Variants in SLC44A1 observed in about 807,000 individuals in gnomAD.
SLC44A1 encodes choline transporter-like protein 1.
In SLC44A1, 26 loss-of-function variants were observed where a neutral mutation model predicts 79.3. The ratio of observed to expected loss-of-function variants is 0.33; its 90% CI spans 0.24 to 0.46. The LOEUF (loss-of-function observed/expected upper bound fraction) is 0.46. SLC44A1 is among the 20% of genes least tolerant of loss of function. The pLI is 1.00. For missense variants in SLC44A1, 688 were observed against 798.1 expected (o/e 0.86, Z 1.66); for synonymous variants, 263 against 286.2 (o/e 0.92, Z 0.82).
In SLC44A1 at chr9:105,390,416, A is replaced by ATT; in HGVS notation, c.*1361_*1362insTT. 1 of 971,270 alleles carries ATT rather than the reference A, an allele frequency of 1.0e-6. No homozygotes were observed. The highest frequency in any genetic ancestry group is 1.2e-4 in the East Asian group (1 of 8,232). The allele number at this position is 971,270 out of a possible 1,614,324, so 60.2% of individuals were successfully genotyped here. ...AAATTTTTTAAACTTATTGCACTAAATACAGGCTCTGTACAAAAAAAAAAA... is the reference window on the plus strand; with the variant it reads ...AAATTTTTTAAACTTATTGCACTAAATTTACAGGCTCTGTACAAAAAAAAAAA... On this transcript the variant is annotated 3_prime_UTR_variant, in exon 16 of 16. Coordinates refer to ENST00000374720, the MANE Select transcript of SLC44A1 (RefSeq NM_080546.5).
chr9:105,381,945 A>AT (rs1206037241), intron 13 of SLC44A1, among the ~76,000 whole-genome samples: 1 of 152,240 alleles, frequency 6.6e-6, no homozygotes, highest in Non-Finnish European at 1.5e-5. Flanking sequence ...AGAGGCTGCC[A>AT]TGATTCTAGG....
Position 105,244,914 on chromosome 9 carries a change from TC to T in SLC44A1, c.36+13del. Reference sequence around the variant, plus strand: ...CTCCTCCGCCGCGCAGGTGAGGGGCTCCCGCCTCCCGGCCGCCCGCCCGGAT... The same window carrying T: ...CTCCTCCGCCGCGCAGGTGAGGGGCTCCGCCTCCCGGCCGCCCGCCCGGAT... On this transcript the variant is annotated intron_variant, in intron 1 of 15. Transcript: ENST00000374720. The T allele has an allele frequency of 8.5e-7, 1 of 1,178,584 alleles. No homozygotes were observed. The highest frequency in any genetic ancestry group is 1.0e-6 in the Non-Finnish European group (1 of 954,666). 73.0% of individuals were successfully genotyped at this position (1,178,584 alleles called of 1,614,324 possible). A position where few individuals can be genotyped will look rare whatever the true frequency, so the allele number is the denominator to read the frequency against.
chr9:105,349,116 G>A (rs1435498606), intron 5 of SLC44A1, among the ~76,000 whole-genome samples: 1 of 152,084 alleles, frequency 6.6e-6, no homozygotes, highest in African/African-American at 2.4e-5. Flanking sequence ...GAATTATCAA[G>A]CATTGTAAAA....
intron 3 of SLC44A1, among the ~76,000 whole-genome samples, chr9:105,312,161 A>C (rs1831199115): frequency 6.6e-6 from 1 of 152,182 alleles, no homozygotes; most frequent in Non-Finnish European, 1.5e-5. Context: ...TCAGTCCTCT[A>C]AAATCTCAAC....
At chr9:105,259,924 A>C (rs781547751) in intron 1 of SLC44A1, among the ~76,000 whole-genome samples, 3 of 152,204 alleles carry the variant, frequency 2.0e-5, no homozygotes, top group Admixed American at 2.0e-4. Context: ...AAGTGGAAAC[A>C]CTTATTTATC....
At chr9:105,321,826 A>AG (rs1826402376) in intron 3 of SLC44A1, among the ~76,000 whole-genome samples, 1 of 149,510 alleles carries the variant, frequency 6.7e-6, no homozygotes, top group African/African-American at 2.6e-5. Flanking sequence ...AAAAAAAAAA[A>AG]CAAGAGAGAT....
chr9:105,363,110 T>C, intron 9 of SLC44A1, 103 bp downstream of exon 9: 1 of 885,712 alleles, frequency 1.1e-6, no homozygotes, highest in Non-Finnish European at 1.8e-6. Flanking sequence ...TTGATGAAGG[T>C]CCAATAGCCA....
intron 3 of SLC44A1, among the ~76,000 whole-genome samples, chr9:105,331,560 A>G (rs1026491002): frequency 8.5e-5 from 13 of 152,244 alleles, no homozygotes; most frequent in Admixed American, 3.3e-4. Context: ...TTTCCAATCA[A>G]AAGGCAAGAA....
intron 3 of SLC44A1, among the ~76,000 whole-genome samples, chr9:105,314,064 T>G (rs1007164603): frequency 1.3e-5 from 2 of 152,146 alleles, no homozygotes; most frequent in Non-Finnish European, 2.9e-5. Flanking sequence ...GCGCCCAGCC[T>G]TATTACTAAT....
chr9:105,301,036 C>A (rs190799064), intron 2 of SLC44A1, among the ~76,000 whole-genome samples: 1 of 152,276 alleles, frequency 6.6e-6, no homozygotes, highest in African/African-American at 2.4e-5. Flanking sequence ...TCCCAAAGTG[C>A]TGGGATTACA....
At chr9:105,281,242 G>A (rs1421302089) in intron 1 of SLC44A1, among the ~76,000 whole-genome samples, 1 of 152,196 alleles carries the variant, frequency 6.6e-6, no homozygotes, top group Non-Finnish European at 1.5e-5. Context: ...GGAGAGGGGT[G>A]TTGCTAGGCA....
At chr9:105,311,672 C>T (rs1292773367) in intron 3 of SLC44A1, among the ~76,000 whole-genome samples, 1 of 152,084 alleles carries the variant, frequency 6.6e-6, no homozygotes, top group African/African-American at 2.4e-5. Flanking sequence ...AAATAGTTTC[C>T]CAGGTGTAGC....
intron 2 of SLC44A1, chr9:105,300,080 A>G (rs1830837900): frequency 3.8e-6 from 1 of 265,842 alleles, no homozygotes; most frequent in African/African-American, 2.3e-5. Context: ...GCGGTCTGAT[A>G]TTTAGAAGTA....
At chr9:105,386,679 T>C (rs1339011599) in intron 15 of SLC44A1, 1 of 151,968 alleles carries the variant, frequency 6.6e-6, no homozygotes, top group African/African-American at 2.4e-5. Context: ...AAAGATTGGA[T>C]ACCCCTGATT....
rs10589897 is a variant in SLC44A1 at position 105,304,944 on chromosome 9, GTTT to G, written c.127-4740_127-4738del. 4.6e-3 allele frequency among the ~76,000 whole-genome samples: 93 copies of G among 20,086 alleles called. 4 individuals carry two copies. The highest frequency in any genetic ancestry group is 7.1e-3 in the Non-Finnish European group (64 of 8,998). The allele number at this position is 20,086 out of a possible 152,430, so 13.2% of individuals were successfully genotyped here. On this transcript the variant is annotated intron_variant, in intron 2 of 15. Transcript: ENST00000374720. Reference sequence around the variant, plus strand: ...GTAGTTATTCCCTAGACTTTCTATCGTTTTTTTTTTTTTTTTTTTTTTTTTTTT... The same window carrying G: ...GTAGTTATTCCCTAGACTTTCTATCGTTTTTTTTTTTTTTTTTTTTTTTTT...
chr9:105,310,954 CAG>C (rs1405667240), intron 3 of SLC44A1, among the ~76,000 whole-genome samples: 2 of 152,158 alleles, frequency 1.3e-5, no homozygotes, highest in African/African-American at 4.8e-5. Flanking sequence ...GTAGGTGAAA[CAG>C]AGGCTTGGAA....
intron 15 of SLC44A1, among the ~76,000 whole-genome samples, chr9:105,403,784 T>G (rs529269685): frequency 6.6e-6 from 1 of 150,742 alleles, no homozygotes; most frequent in South Asian, 2.1e-4. Context: ...CAAGGAGGAA[T>G]AGCGTGTGTG....
intron 2 of SLC44A1, among the ~76,000 whole-genome samples, chr9:105,304,579 T>C (rs775727110): frequency 6.6e-6 from 1 of 152,192 alleles, no homozygotes; most frequent in Non-Finnish European, 1.5e-5. Context: ...GCAAGTATAC[T>C]CTTAAAAATT....
At position 105,309,711 on chromosome 9, in the gene SLC44A1, G is replaced by A. The variant is rs1239734856; in HGVS notation, c.127-13G>A. 1.2e-6 allele frequency: 2 copies of A among 1,612,098 alleles called. No homozygotes were observed. Among genetic ancestry groups the A allele is most frequent in the Admixed American group, 3.4e-5 (2 of 59,672 alleles). On this transcript the variant is annotated splice_polypyrimidine_tract_variant and intron_variant, in intron 2 of 15. Transcript: ENST00000374720. The stretch of plus-strand genomic sequence containing the variant: ...ATGGTTTATTTGTATGTTTTTTTCT[G>A]TTTCTTTCCTAGGGATTTATTTGTG...
Sources: allele counts gnomAD v4.1 joint callset (sites outside exome capture counted in the v4.1 genomes callset), GRCh38; gene constraint gnomAD v4.1.1; transcripts MANE v1.5; gene names NCBI Gene and HGNC (gene_info 2026-07-23, HGNC 2026-07-21).